The following ARHGEF28 variants were observed in gnomAD, a reference collection of about 807,000 sequenced individuals.
ARHGEF28 encodes Rho guanine nucleotide exchange factor 28, also known as 190 kDa guanine nucleotide exchange factor.
ARHGEF28 carries 152 observed loss-of-function variants against 206.6 expected under a neutral mutation model. The observed-to-expected ratio is 0.74, with a 90% CI of 0.64 to 0.84. The LOEUF is 0.84. Ranked by LOEUF, ARHGEF28 falls within the 40% of genes least tolerant of loss-of-function variation. ARHGEF28 has a pLI of 0.00. For synonymous variants in ARHGEF28, 763 were observed against 776.4 expected (o/e 0.98, Z 0.29); for missense variants, 2,028 against 2,073.2 (o/e 0.98, Z 0.42).
intron 7 of ARHGEF28, chr5:73,786,337 C>T (rs1754157398): frequency 6.6e-6 from 1 of 152,220 alleles, no homozygotes; most frequent in African/African-American, 2.4e-5. Context: ...GACACTGGCC[C>T]AAGCCGTCAG....
Position 73,753,153 on chromosome 5 carries a change from T to C in ARHGEF28, c.426T>C (p.His142=), listed in dbSNP as rs537142620. 2 of 1,552,944 alleles carry C rather than the reference T, an allele frequency of 1.3e-6. No individual in the cohort carries two copies. Among genetic ancestry groups the C allele is most frequent in the African/African-American group, 1.4e-5 (1 of 73,290 alleles). ...AGGAGCTCGTGCTGGCTCTGACCCA[T>C]CTGGAATTGCCTCTAGAGTGGACTG... ...LDEELVLALT[H]LELPLEWTVL... is the part of the protein sequence containing the mutation. The change falls in exon 4 of 36, where the codon CAT becomes CAC. Residue 142 remains histidine, a synonymous_variant. Transcript: ENST00000513042.
chr5:73,900,262 C>A (rs1762184940), intron 30 of ARHGEF28: 1 of 152,126 alleles, frequency 6.6e-6, no homozygotes, highest in Non-Finnish European at 1.5e-5. Context: ...TAAAAAGACA[C>A]AATAAAAATT....
chr5:73,833,174 T>G (rs757908103), intron 10 of ARHGEF28, among the ~76,000 whole-genome samples: 21 of 152,202 alleles, frequency 1.4e-4, no homozygotes, highest in Non-Finnish European at 2.6e-4. Flanking sequence ...ATATGGAGGA[T>G]TTAAGGGATT....
chr5:73,873,527 A>ATT (rs1308322013), intron 22 of ARHGEF28, among the ~76,000 whole-genome samples: 1 of 152,172 alleles, frequency 6.6e-6, no homozygotes, highest in African/African-American at 2.4e-5. Flanking sequence ...ATTCACCTGA[A>ATT]TGTCACGTTT....
rs369080855 is a variant in ARHGEF28, at chr5:73,793,386, G to A, written c.911-1016G>A. Reference sequence around the variant, plus strand: ...GCATAAACATGGATGATAACTCCTAGCATTGTTGCCCAGAAGTGAGAAGAG... The same window carrying A: ...GCATAAACATGGATGATAACTCCTAACATTGTTGCCCAGAAGTGAGAAGAG... On this transcript the variant is annotated intron_variant, in intron 7 of 35. Transcript: ENST00000513042. 3.3e-5 allele frequency among the ~76,000 whole-genome samples: 5 copies of A among 152,184 alleles called. No individual in the cohort carries two copies. In the East Asian group the frequency reaches 9.6e-4, roughly 29 times the overall value.
At chr5:73,794,347 G>C (rs1002397226) in intron 7 of ARHGEF28, 55 bp from the exon 8 acceptor site, 8 of 1,449,624 alleles carry the variant, frequency 5.5e-6, no homozygotes, top group African/African-American at 1.4e-5. Flanking sequence ...AGTAGTTGTT[G>C]TTCTTCTTAA....
chr5:73,840,746 T>A lies in ARHGEF28; in HGVS notation c.1413T>A (p.His471Gln), dbSNP rs1168374181. Residue 471 changes from histidine (H) to glutamine (Q), a missense_variant, in exon 11 of 36, where the codon CAT (histidine) becomes CAA (glutamine). This residue lies in a region of ARHGEF28 where 1,002 missense variants were observed against 1,015.3 expected (regional missense o/e 0.99). Coordinates refer to ENST00000513042, the MANE Select transcript of ARHGEF28 (RefSeq NM_001177693.2). Reference protein sequence around the residue: ...GWHGFEKEQSHLKKRSSSLDA... With the variant: ...GWHGFEKEQSQLKKRSSSLDA... ...ATGGATTTGAAAAGGAACAAAGTCA[T>A]CTAAAGAAAAGAAGGTAAGAGTCTA... 1.2e-6 allele frequency: 2 copies of A among 1,608,896 alleles called. No homozygotes were observed. Among genetic ancestry groups the A allele is most frequent in the Non-Finnish European group, 1.7e-6 (2 of 1,177,188 alleles).
At position 73,707,685 on chromosome 5, in the gene ARHGEF28, T is replaced by C. The variant is rs901673220; in HGVS notation, c.33+22801T>C. ...CTATTTTTTTTTATTTGTAAAGTCA[T>C]TTTTAACTTATGTGAATTTTTTATT... On this transcript the variant is annotated intron_variant, in intron 2 of 35. Coordinates refer to ENST00000513042, the MANE Select transcript of ARHGEF28 (RefSeq NM_001177693.2). Among the ~76,000 whole-genome samples, 67 of 152,212 alleles carry C rather than the reference T, an allele frequency of 4.4e-4. 1 individual carries two copies. Among genetic ancestry groups the C allele is most frequent in the African/African-American group, 1.6e-3 (66 of 41,442 alleles).
At chr5:73,842,605 C>T (rs1758053975) in intron 11 of ARHGEF28, among the ~76,000 whole-genome samples, 1 of 152,112 alleles carries the variant, frequency 6.6e-6, no homozygotes, top group Admixed American at 6.6e-5. Flanking sequence ...CAAGAGACTG[C>T]CAGTCCACAC....
chr5:73,747,384 A>C (rs1172743741), intron 2 of ARHGEF28, among the ~76,000 whole-genome samples: 2 of 152,320 alleles, frequency 1.3e-5, no homozygotes, highest in Non-Finnish European at 2.9e-5. Context: ...ACTCTTACCC[A>C]AAAAACTGCC....
Position 73,697,104 on chromosome 5 carries a change from A to G in ARHGEF28, c.33+12220A>G, listed in dbSNP as rs143437858. Among the ~76,000 whole-genome samples the G allele has an allele frequency of 2.8e-3, 426 of 152,340 alleles. 6 individuals carry two copies. The highest frequency in any genetic ancestry group is 9.6e-3 in the African/African-American group (399 of 41,578). On this transcript the variant is annotated intron_variant, in intron 2 of 35. Transcript: ENST00000513042. ...TGTAAACATTATGCAATAAAAAATT[A>G]AGGAAGTCTTTTCGAGGTAGACAAT... is the stretch of plus-strand genomic sequence containing the variant.
At chr5:73,932,806 T>C (rs913131342) in intron 35 of ARHGEF28, among the ~76,000 whole-genome samples, 2 of 123,648 alleles carry the variant, frequency 1.6e-5, no homozygotes, top group Non-Finnish European at 1.7e-5. Context: ...ATTTCTTTTT[T>C]TTTTTTTTTT....
chr5:73,813,602 C>G, intron 9 of ARHGEF28: 1 of 1,535,794 alleles, frequency 6.5e-7, no homozygotes, highest in Non-Finnish European at 8.7e-7. Flanking sequence ...GATTCTGACT[C>G]CGACTCACCT....
At chr5:73,685,018 G>C in intron 2 of ARHGEF28, 134 bp downstream of exon 2, 1 of 813,472 alleles carries the variant, frequency 1.2e-6, no homozygotes, top group South Asian at 2.4e-5. Flanking sequence ...GAGCGTTACT[G>C]TCTAGTTCAA....
intron 9 of ARHGEF28, among the ~76,000 whole-genome samples, chr5:73,817,186 C>T (rs1420890970): frequency 6.6e-6 from 1 of 152,186 alleles, no homozygotes; most frequent in African/African-American, 2.4e-5. Flanking sequence ...CTCGTTCTCT[C>T]CTTCCCCAGC....
At chr5:73,788,556 T>A (rs1301480863) in intron 7 of ARHGEF28, among the ~76,000 whole-genome samples, 1 of 152,114 alleles carries the variant, frequency 6.6e-6, no homozygotes, top group Non-Finnish European at 1.5e-5. Context: ...GAGAAAAAAA[T>A]GTTCTTAATA....
intron 9 of ARHGEF28, among the ~76,000 whole-genome samples, chr5:73,825,811 A>C (rs1454925567): frequency 6.6e-6 from 1 of 152,116 alleles, no homozygotes; most frequent in Non-Finnish European, 1.5e-5. Flanking sequence ...TTGGGGTGGG[A>C]ATCAAGAGTT....
At chr5:73,922,504 T>C (rs1233903126) in intron 35 of ARHGEF28, among the ~76,000 whole-genome samples, 1 of 152,246 alleles carries the variant, frequency 6.6e-6, no homozygotes, top group Non-Finnish European at 1.5e-5. Context: ...CTTAAGCTTG[T>C]GTGCTTGTCA....
intron 10 of ARHGEF28, among the ~76,000 whole-genome samples, chr5:73,836,304 T>A (rs1282980490): frequency 9.7e-4 from 16 of 16,568 alleles, no homozygotes; most frequent in Non-Finnish European, 2.1e-3. Context: ...CCTTGTCAGC[T>A]TTTTTTTTTT....
Sources: allele counts gnomAD v4.1 joint callset (sites outside exome capture counted in the v4.1 genomes callset), GRCh38; gene constraint gnomAD v4.1.1; regional missense constraint gnomAD v4.1.1; transcripts MANE v1.5; gene names NCBI Gene and HGNC (gene_info 2026-07-23, HGNC 2026-07-21).